Variants in SH3BP2 observed in about 807,000 individuals in gnomAD.
SH3BP2 encodes the protein SH3 domain-binding protein 2.
Under a neutral mutation model 56.2 loss-of-function variants are expected in SH3BP2, and 38 were observed. The observed-to-expected ratio is 0.68, with a 90% CI of 0.52 to 0.89. SH3BP2 has a LOEUF of 0.89. SH3BP2 is among the 40% of genes least tolerant of loss of function. The pLI is 0.00. For synonymous variants in SH3BP2, 346 were observed against 316.7 expected (o/e 1.09, Z -0.98); for missense variants, 748 against 762.6 (o/e 0.98, Z 0.23).
rs1725237174 is a variant in SH3BP2, at chr4:2,836,478, G to A, written c.*2644G>A. Reference sequence around the variant, plus strand: ...GCTAGTAGACCCATTTTACAGGTGAGAGAACCAAGTCTCACAGAGGCCTGG... The same window carrying A: ...GCTAGTAGACCCATTTTACAGGTGAAAGAACCAAGTCTCACAGAGGCCTGG... On this transcript the variant is annotated 3_prime_UTR_variant, in exon 13 of 13. Coordinates refer to ENST00000503393, the MANE Select transcript of SH3BP2 (RefSeq NM_001122681.2). 1 of 152,278 alleles carries A rather than the reference G, an allele frequency of 6.6e-6. No homozygotes were observed. Among genetic ancestry groups the A allele is most frequent in the African/African-American group, 2.4e-5 (1 of 41,448 alleles). The allele number at this position is 152,278 out of a possible 1,614,324, so 9.4% of individuals were successfully genotyped here.
rs1255093057 is a variant in SH3BP2, at chr4:2,840,726, T to C, written c.*6892T>C. 2.0e-5 allele frequency: 3 copies of C among 152,242 alleles called. No homozygotes were observed. The highest frequency in any genetic ancestry group is 7.2e-5 in the African/African-American group (3 of 41,468). The allele number at this position is 152,242 out of a possible 1,614,324, so 9.4% of individuals were successfully genotyped here. On this transcript the variant is annotated 3_prime_UTR_variant, in exon 13 of 13. Coordinates refer to ENST00000503393, the MANE Select transcript of SH3BP2 (RefSeq NM_001122681.2). Reference sequence around the variant, plus strand: ...CTCCCATATAAGTTTTAAAATCAGCTTGTCAATTCCAACAACAATGATGCA... The same window carrying C: ...CTCCCATATAAGTTTTAAAATCAGCCTGTCAATTCCAACAACAATGATGCA...
chr4:2,830,394 C>T (rs1022758019), intron 8 of SH3BP2, among the ~76,000 whole-genome samples: 28 of 152,304 alleles, frequency 1.8e-4, no homozygotes, highest in Middle Eastern at 3.4e-3. Context: ...CAGGGTCTCA[C>T]GCTGGCAACC....
intron 1 of SH3BP2, among the ~76,000 whole-genome samples, chr4:2,806,994 C>T (rs1723560767): frequency 6.6e-6 from 1 of 152,262 alleles, no homozygotes; most frequent in African/African-American, 2.4e-5. Context: ...TTCCCTTTGT[C>T]CGTTGCACAC....
chr4:2,820,341 G>C (rs1724232029), intron 1 of SH3BP2, among the ~76,000 whole-genome samples: 1 of 152,226 alleles, frequency 6.6e-6, no homozygotes, highest in Non-Finnish European at 1.5e-5. Flanking sequence ...GAATGAACCA[G>C]TGGAGAGAAA....
chr4:2,830,257 G>T (rs1490909755), intron 8 of SH3BP2, 110 bp downstream of exon 8: 1 of 1,070,750 alleles, frequency 9.3e-7, no homozygotes, highest in African/African-American at 1.6e-5. Context: ...AGCCCACGAC[G>T]GGGTACCAGG....
Position 2,813,413 on chromosome 4 carries a change from A to T in SH3BP2, c.-4-7201A>T, listed in dbSNP as rs770803314. Among the ~76,000 whole-genome samples the T allele has an allele frequency of 6.6e-4, 101 of 152,266 alleles. 2 individuals carry two copies. Among genetic ancestry groups the T allele is most frequent in the Non-Finnish European group, 7.3e-4 (50 of 68,038 alleles). The stretch of plus-strand genomic sequence containing the variant: ...TGATGGGGCGATCACTGAGAAGCAC[A>T]GAGCTTGGCCCACAGGGAGTGCCCA... On this transcript the variant is annotated intron_variant, in intron 1 of 12. Transcript: ENST00000503393.
rs199818232 is a variant in SH3BP2 at position 2,831,939 on chromosome 4, C to T, written c.1367C>T (p.Ser456Leu). 255 of 1,612,824 alleles carry T rather than the reference C, an allele frequency of 1.6e-4. No homozygotes were observed. The highest frequency in any genetic ancestry group is 2.0e-4 in the Non-Finnish European group (234 of 1,180,028). ...EDYEKVPLPNSVFVNTTESCE... is the reference protein window; with the variant it reads ...EDYEKVPLPNLVFVNTTESCE... ...CTCTTGCAGGTGCCACTGCCCAACT[C>T]GGTCTTCGTCAACACCACGGAGTCC... Residue 456 changes from serine to leucine, a missense_variant, in exon 10 of 13, where the codon TCG (serine) becomes TTG (leucine). By Grantham distance (145) the Ser-to-Leu change is moderately radical. Around this residue, in one of 3 missense-constraint regions of SH3BP2, gnomAD observed 635 missense variants for 615.0 expected, o/e 1.03. Transcript: ENST00000503393. This position sits in a 1 kb window ranked among gnomAD's most constrained non-coding sequence, Gnocchi z 4.1.
At chr4:2,800,486 C>T (rs1469470358) in intron 1 of SH3BP2, among the ~76,000 whole-genome samples, 12 of 152,158 alleles carry the variant, frequency 7.9e-5, no homozygotes, top group Admixed American at 7.9e-4. Flanking sequence ...TGCTTACAGG[C>T]CCTGCTGACT....
In SH3BP2 at chr4:2,839,456, C is replaced by T. The variant is rs925364175; in HGVS notation, c.*5622C>T. 3 of 152,276 alleles carry T rather than the reference C, an allele frequency of 2.0e-5. No homozygotes were observed. The highest frequency in any genetic ancestry group is 1.9e-4 in the East Asian group (1 of 5,186). The allele number at this position is 152,276 out of a possible 1,614,324, so 9.4% of individuals were successfully genotyped here. ...AAGTTGGGATTATAGGCGTGAGCTA[C>T]CAGATTTTTTCTTATTAATCTAATA... On this transcript the variant is annotated 3_prime_UTR_variant, in exon 13 of 13. Coordinates refer to ENST00000503393, the MANE Select transcript of SH3BP2 (RefSeq NM_001122681.2).
intron 1 of SH3BP2, among the ~76,000 whole-genome samples, chr4:2,801,170 C>T (rs1723265252): frequency 6.6e-6 from 1 of 152,202 alleles, no homozygotes; most frequent in South Asian, 2.1e-4. Flanking sequence ...AGGCTGGGGG[C>T]TGGGCTCCTT....
intron 1 of SH3BP2, among the ~76,000 whole-genome samples, chr4:2,797,414 G>T (rs553820393): frequency 6.6e-6 from 1 of 152,348 alleles, no homozygotes; most frequent in South Asian, 2.1e-4. Context: ...AACACTGGGT[G>T]CCTGTGTACT....
intron 5 of SH3BP2, 38 bp downstream of exon 5, chr4:2,825,234 C>T (rs1724539091): frequency 6.6e-7 from 1 of 1,519,292 alleles, no homozygotes. Context: ...CAGTGAGGGT[C>T]CCTGGGGCGC....
chr4:2,833,691 C>T lies in SH3BP2; in HGVS notation c.1549-6C>T. On this transcript the variant is annotated splice_polypyrimidine_tract_variant and splice_region_variant and intron_variant, in intron 12 of 12. Coordinates refer to ENST00000503393, the MANE Select transcript of SH3BP2 (RefSeq NM_001122681.2). ...TGCTGACGCTCCCCCTTCTCTTCCC[C>T]CACAGGACTCTAAGTTCTACCTGGA... 6.2e-7 allele frequency: 1 copy of T among 1,609,504 alleles called. No homozygotes were observed. The highest frequency in any genetic ancestry group is 1.1e-5 in the South Asian group (1 of 90,062).
chr4:2,807,747 G>T (rs1260741957), intron 1 of SH3BP2, among the ~76,000 whole-genome samples: 1 of 152,210 alleles, frequency 6.6e-6, no homozygotes, highest in African/African-American at 2.4e-5. Context: ...CTGAGACAAG[G>T]AAGGGCAGGC....
In SH3BP2 at chr4:2,833,814, G is replaced by A. The variant is rs201197278; in HGVS notation, c.1666G>A (p.Gly556Ser). ...GAGCCTGCTGCTGCGGCACCCCTACGGCTACACTGGGCCTAGGTGATGGCA... is the reference window on the plus strand; with the variant it reads ...GAGCCTGCTGCTGCGGCACCCCTACAGCTACACTGGGCCTAGGTGATGGCA... ...HQSLLLRHPY[G>S]YTGPR The change falls in exon 13 of 13, where the codon GGC becomes AGC. Residue 556 changes from glycine to serine, a missense_variant. By Grantham distance (56) the Gly-to-Ser change is moderately conservative (BLOSUM62 0). Transcript: ENST00000503393. 4.8e-5 allele frequency: 76 copies of A among 1,579,242 alleles called. No individual in the cohort carries two copies. The highest frequency in any genetic ancestry group is 1.9e-4 in the East Asian group (8 of 43,060).
intron 3 of SH3BP2, 27 bp from the exon 4 acceptor site, chr4:2,824,586 C>A: frequency 1.9e-6 from 3 of 1,564,050 alleles, no homozygotes; most frequent in East Asian, 2.2e-5. Flanking sequence ...GTGAACCAGG[C>A]CGTGACCCCT....
At chr4:2,804,191 C>G (rs1012184032) in intron 1 of SH3BP2, among the ~76,000 whole-genome samples, 3 of 152,172 alleles carry the variant, frequency 2.0e-5, no homozygotes, top group Admixed American at 6.5e-5. Context: ...TCCTTCTGTC[C>G]CGGCACCGCC....
rs1467825539 is a variant in SH3BP2 at position 2,834,321 on chromosome 4, G to T, written c.*487G>T. On this transcript the variant is annotated 3_prime_UTR_variant, in exon 13 of 13. Transcript: ENST00000503393. Reference sequence around the variant, plus strand: ...GGCTGGGGCTTGATTGGGAAGGAGGGGATTACCAGCTTACTGGGTGCCCAT... The same window carrying T: ...GGCTGGGGCTTGATTGGGAAGGAGGTGATTACCAGCTTACTGGGTGCCCAT... 1 of 158,396 alleles carries T rather than the reference G, an allele frequency of 6.3e-6. No homozygotes were observed. The highest frequency in any genetic ancestry group is 1.4e-5 in the Non-Finnish European group (1 of 71,948). The allele number at this position is 158,396 out of a possible 1,614,324, so 9.8% of individuals were successfully genotyped here.
chr4:2,799,644 G>A lies in SH3BP2; in HGVS notation c.-5+6506G>A, dbSNP rs557104615. Reference sequence around the variant, plus strand: ...TCAAGGGGACAGCTATTCCAGGGCTGGTGTCCTGAGAAGCAGGGGGGACCC... The same window carrying A: ...TCAAGGGGACAGCTATTCCAGGGCTAGTGTCCTGAGAAGCAGGGGGGACCC... On this transcript the variant is annotated intron_variant, in intron 1 of 12. Transcript: ENST00000503393. Among the ~76,000 whole-genome samples the A allele has an allele frequency of 1.4e-4, 22 of 152,348 alleles. No homozygotes were observed. In the East Asian group the frequency reaches 3.9e-3, roughly 27 times the overall value.
Sources: gnomAD v4.1 joint callset for allele counts (sites outside exome capture counted in the v4.1 genomes callset) on GRCh38, gnomAD v4.1.1 for gene constraint, gnomAD v4.1.1 regional missense constraint, Gnocchi (gnomAD v3.1) non-coding constraint, MANE v1.5 for transcripts, NCBI Gene and HGNC (gene_info 2026-07-23, HGNC 2026-07-21) for gene names.